The following AKAP8 variants were observed in gnomAD, a reference collection of about 807,000 sequenced individuals.
AKAP8 encodes A-kinase anchoring protein 8, also known as A-kinase anchor protein 8.
Under a neutral mutation model 67.5 loss-of-function variants are expected in AKAP8, and 24 were observed. That is an observed-to-expected ratio of 0.36 (90% CI 0.26 to 0.50). The LOEUF is 0.50. Ranked by LOEUF, AKAP8 falls within the 20% of genes least tolerant of loss-of-function variation. AKAP8 has a pLI of 0.97. For missense variants in AKAP8, 971 were observed against 955.9 expected (o/e 1.02, Z -0.21); for synonymous variants, 400 against 371.1 (o/e 1.08, Z -0.90).
chr19:15,372,420 G>A (rs1162351693), intron 5 of AKAP8, 73 bp from the exon 6 acceptor site: 2 of 1,579,268 alleles, frequency 1.3e-6, no homozygotes, highest in Non-Finnish European at 1.7e-6. Flanking sequence ...AGAACAAGGA[G>A]GTTGTAGGAT....
intron 1 of AKAP8, among the ~76,000 whole-genome samples, chr19:15,378,395 CTA>C (rs1967293764): frequency 6.6e-6 from 1 of 152,156 alleles, no homozygotes; most frequent in Non-Finnish European, 1.5e-5. Flanking sequence ...GGAAGCTTAA[CTA>C]TCTCCAGTGT....
At chr19:15,379,591 G>A in intron 1 of AKAP8, 122 bp downstream of exon 1, 6 of 1,169,196 alleles carry the variant, frequency 5.1e-6, no homozygotes, top group Non-Finnish European at 6.9e-6. Flanking sequence ...CGCCTCTCCG[G>A]AGGGCCCAGC....
Position 15,362,206 on chromosome 19 carries a change from G to C in AKAP8, c.1206C>G (p.Asp402Glu), listed in dbSNP as rs746292506. 2.5e-6 allele frequency: 4 copies of C among 1,614,070 alleles called. No individual in the cohort carries two copies. In the Admixed American group the frequency reaches 5.0e-5, roughly 20 times the overall value. ...TTTGCAGATGCTTCTGGATCTCTTC[G>C]TCATCAAAGCTACGGAACTTGCATA... ...CSVCKFRSFD[D>E]EEIQKHLQSK... Residue 402 changes from aspartate to glutamate, a missense_variant, in exon 10 of 14, where the codon GAC becomes GAG. Around this residue, in one of 3 missense-constraint regions of AKAP8, gnomAD observed 763 missense variants for 745.4 expected, o/e 1.02. Transcript: ENST00000269701.
intron 13 of AKAP8, among the ~76,000 whole-genome samples, chr19:15,357,148 A>T (rs888822015): frequency 4.0e-5 from 6 of 150,730 alleles, no homozygotes; most frequent in African/African-American, 1.5e-4. Flanking sequence ...TTTAGTAGAG[A>T]TGGGGTTTCA....
chr19:15,361,801 T>C lies in AKAP8; in HGVS notation c.1324A>G (p.Lys442Glu). Residue 442 changes from lysine to glutamate, a missense_variant, in exon 11 of 14, where the codon AAG (lysine) becomes GAG (glutamate). Coordinates refer to ENST00000269701, the MANE Select transcript of AKAP8 (RefSeq NM_005858.4). ...TCCTGACGCCGCTTCTCAATTTTCT[T>C]ATTTCTGTTTACAATGTATTCCTAG... ...FLQEYIVNRN[K>E]KIEKRRQELM... 6.2e-7 allele frequency: 1 copy of C among 1,614,034 alleles called. No homozygotes were observed. Among genetic ancestry groups the C allele is most frequent in the Non-Finnish European group, 8.5e-7 (1 of 1,179,896 alleles).
intron 13 of AKAP8, among the ~76,000 whole-genome samples, chr19:15,355,799 C>T (rs540180970): frequency 1.1e-3 from 162 of 151,854 alleles, no homozygotes; most frequent in African/African-American, 3.7e-3. Context: ...TGCAATGGCG[C>T]GATCTCAGCT....
intron 8 of AKAP8, 107 bp downstream of exon 8, chr19:15,370,039 G>C (rs1967128705): frequency 7.1e-7 from 1 of 1,402,484 alleles, no homozygotes; most frequent in Non-Finnish European, 1.0e-6. Flanking sequence ...TTCCCCCACA[G>C]CCACGGGCCC....
chr19:15,355,033 TCGGCGCCATTTCCAG>T lies in AKAP8; in HGVS notation c.1946_1960del (p.Ala649_Ala653del). 2.5e-6 allele frequency: 4 copies of T among 1,614,140 alleles called. No individual in the cohort carries two copies. Among genetic ancestry groups the T allele is most frequent in the Middle Eastern group, 1.6e-4 (1 of 6,062 alleles). ...ACTTTCTGCCTCTGCTGCCATTGTCTCGGCGCCATTTCCAGCCTCTGCAGCCTCACTTCTGGCCTT... is the reference window on the plus strand; with the variant it reads ...ACTTTCTGCCTCTGCTGCCATTGTCTCCTCTGCAGCCTCACTTCTGGCCTT... On this transcript the variant is annotated inframe_deletion, in exon 14 of 14. Coordinates refer to ENST00000269701, the MANE Select transcript of AKAP8 (RefSeq NM_005858.4).
chr19:15,378,246 C>G (rs1257568360), intron 1 of AKAP8, among the ~76,000 whole-genome samples: 1 of 152,170 alleles, frequency 6.6e-6, no homozygotes, highest in African/African-American at 2.4e-5. Flanking sequence ...CTTCTAAATT[C>G]GCATCCGTGC....
intron 9 of AKAP8, among the ~76,000 whole-genome samples, chr19:15,364,831 CTGT>C (rs571302577): frequency 1.4e-3 from 215 of 151,984 alleles, no homozygotes; most frequent in Middle Eastern, 3.4e-3. Context: ...ATTGCTCAGG[CTGT>C]TCTCAAACTC....
rs905699975 is a variant in AKAP8 at position 15,371,934 on chromosome 19, G to A, written c.1038+18C>T. ...GAAATCCCACACTAGAGGCAAAAGG[G>A]CTGCCTGGTGGACTTACACCCTTGA... On this transcript the variant is annotated intron_variant, in intron 7 of 13. Coordinates refer to ENST00000269701, the MANE Select transcript of AKAP8 (RefSeq NM_005858.4). 8 of 1,613,550 alleles carry A rather than the reference G, an allele frequency of 5.0e-6. No individual in the cohort carries two copies. The highest frequency in any genetic ancestry group is 1.3e-5 in the African/African-American group (1 of 74,912).
intron 5 of AKAP8, 35 bp downstream of exon 5, chr19:15,372,816 C>T (rs767491391): frequency 2.7e-5 from 40 of 1,477,524 alleles, no homozygotes; most frequent in African/African-American, 5.6e-5. Context: ...AAAAGAGAAG[C>T]GAAGGCGGCC....
In AKAP8 at chr19:15,354,886, A is replaced by G. The variant is rs746277361; in HGVS notation, c.*29T>C. 5.0e-6 allele frequency: 8 copies of G among 1,608,052 alleles called. No individual in the cohort carries two copies. The Admixed American group carries it at 6.7e-5, about 13-fold the overall frequency. ...AAAGACCAACGCATCCATCATCCCAACGCCTTCCCTGGAACAGGGAAATGA... is the reference window on the plus strand; with the variant it reads ...AAAGACCAACGCATCCATCATCCCAGCGCCTTCCCTGGAACAGGGAAATGA... On this transcript the variant is annotated 3_prime_UTR_variant, in exon 14 of 14. Transcript: ENST00000269701.
rs1967126279 is a variant in AKAP8 at position 15,369,899 on chromosome 19, C to T, written c.1072+247G>A. ...TGTGGTGGACACCCAAGGCTGCCCC[C>T]CATCCCCACTGCAGCCCACATCGGG... On this transcript the variant is annotated intron_variant, in intron 8 of 13. Transcript: ENST00000269701. This position sits in a 1 kb window ranked among gnomAD's most constrained non-coding sequence, Gnocchi z 4.6. Among the ~76,000 whole-genome samples the T allele has an allele frequency of 6.6e-6, 1 of 152,244 alleles. No homozygotes were observed. Among genetic ancestry groups the T allele is most frequent in the African/African-American group, 2.4e-5 (1 of 41,454 alleles).
intron 13 of AKAP8, among the ~76,000 whole-genome samples, chr19:15,357,251 G>A (rs984791146): frequency 6.6e-6 from 1 of 151,206 alleles, no homozygotes; most frequent in African/African-American, 2.4e-5. Flanking sequence ...GAGCCACCAC[G>A]CCCGGCCACC....
chr19:15,367,752 C>T (rs1032992274), intron 9 of AKAP8, among the ~76,000 whole-genome samples: 2 of 152,232 alleles, frequency 1.3e-5, no homozygotes, highest in Non-Finnish European at 2.9e-5. Context: ...AGGATCATCT[C>T]TCTACCTGTC....
intron 2 of AKAP8, among the ~76,000 whole-genome samples, chr19:15,376,721 G>C (rs1967259163): frequency 6.6e-6 from 1 of 152,158 alleles, no homozygotes; most frequent in Non-Finnish European, 1.5e-5. Flanking sequence ...GCAAAAATTA[G>C]GAACTTCAAA....
chr19:15,365,740 T>C (rs570716287), intron 9 of AKAP8, among the ~76,000 whole-genome samples: 59 of 152,228 alleles, frequency 3.9e-4, no homozygotes, highest in African/African-American at 1.3e-3. Flanking sequence ...TCCTCAGTCA[T>C]GGCCAGGCGC....
chr19:15,377,237 C>T (rs893703209), intron 1 of AKAP8, among the ~76,000 whole-genome samples: 1 of 152,066 alleles, frequency 6.6e-6, no homozygotes, highest in African/African-American at 2.4e-5. Context: ...GGGAAGTGGG[C>T]TTGGAAGTCA....
Sources: allele counts gnomAD v4.1 joint callset (sites outside exome capture counted in the v4.1 genomes callset), GRCh38; gene constraint gnomAD v4.1.1; regional missense constraint gnomAD v4.1.1; non-coding constraint Gnocchi (gnomAD v3.1); transcripts MANE v1.5; gene names NCBI Gene and HGNC (gene_info 2026-07-23, HGNC 2026-07-21).